The following SNX29 variants were observed in gnomAD, a reference collection of about 807,000 sequenced individuals.
SNX29 encodes sorting nexin-29.
SNX29 carries 78 observed loss-of-function variants against 102.1 expected under a neutral mutation model. The ratio of observed to expected loss-of-function variants is 0.76; its 90% CI spans 0.64 to 0.92. SNX29 has a LOEUF of 0.92. Among genes scored for constraint, SNX29 ranks in the 40% least tolerant of loss-of-function variants. SNX29 has a pLI of 0.00. For synonymous variants in SNX29, 580 were observed against 414.5 expected (o/e 1.40, Z -4.85); for missense variants, 1,280 against 1,061.7 (o/e 1.21, Z -2.86).
At chr16:12,483,126 T>TTTTTTG (rs1567610280) in intron 19 of SNX29, among the ~76,000 whole-genome samples, 2 of 128,218 alleles carry the variant, frequency 1.6e-5, no homozygotes, top group Non-Finnish European at 3.3e-5. Context: ...TTTTTTTTTT[T>TTTTTTG]TTTTTTTTTT....
chr16:12,233,921 G>A (rs2077846142), intron 14 of SNX29, among the ~76,000 whole-genome samples: 1 of 152,146 alleles, frequency 6.6e-6, no homozygotes, highest in African/African-American at 2.4e-5. Context: ...CTACATTGTA[G>A]CATGTATCAG....
chr16:12,375,283 G>A (rs1677647478), intron 16 of SNX29: 1 of 152,204 alleles, frequency 6.6e-6, no homozygotes. Context: ...AGCAGAAATA[G>A]CTAAATGAAA....
chr16:12,278,790 A>G (rs1448651945), intron 15 of SNX29, among the ~76,000 whole-genome samples: 1 of 152,244 alleles, frequency 6.6e-6, no homozygotes, highest in African/African-American at 2.4e-5. Flanking sequence ...GTCGCATATT[A>G]AAAGAACAGT....
chr16:12,557,583 A>G (rs2078448583), intron 20 of SNX29: 2 of 152,146 alleles, frequency 1.3e-5, no homozygotes, highest in African/African-American at 4.8e-5. Context: ...GCTGATCTTG[A>G]ACTCCTGACC....
In SNX29 at chr16:12,052,196, C is replaced by G; in HGVS notation, c.1098C>G (p.His366Gln). 1.1e-5 allele frequency: 17 copies of G among 1,613,938 alleles called. No individual in the cohort carries two copies. Among genetic ancestry groups the G allele is most frequent in the Non-Finnish European group, 1.4e-5 (17 of 1,179,866 alleles). The change falls in exon 8 of 21, where the codon CAC (histidine) becomes CAG (glutamine). Residue 366 changes from histidine to glutamine, a missense_variant. Physicochemically the swap from His to Gln is conservative, Grantham distance 24. Transcript: ENST00000566228. ...DVYGNSSGRK[H>Q]RGHSESPEKP... ...ATGGAAACTCATCAGGAAGGAAGCA[C>G]AGGGGCCACTCGGAGTCGCCCGAGA...
Position 12,437,160 on chromosome 16 carries a change from A to G in SNX29, c.2037+33631A>G, listed in dbSNP as rs569702702. Among the ~76,000 whole-genome samples the G allele has an allele frequency of 4.6e-5, 7 of 152,292 alleles. No individual in the cohort carries two copies. The South Asian group carries it at 8.3e-4, about 18-fold the overall frequency. ...TTAAAACTGTTACTGAAATCCTGTAATTTTTCAGGGTAGCCCAAATGAATG... is the reference window on the plus strand; with the variant it reads ...TTAAAACTGTTACTGAAATCCTGTAGTTTTTCAGGGTAGCCCAAATGAATG... On this transcript the variant is annotated intron_variant, in intron 18 of 20. Coordinates refer to ENST00000566228, the MANE Select transcript of SNX29 (RefSeq NM_032167.5).
chr16:12,084,386 C>T (rs966872974), intron 11 of SNX29, among the ~76,000 whole-genome samples: 3 of 152,146 alleles, frequency 2.0e-5, no homozygotes, highest in East Asian at 3.8e-4. Context: ...CCTTGTGATC[C>T]GCCCACCTCG....
chr16:12,092,686 G>A (rs1363108624), intron 11 of SNX29, among the ~76,000 whole-genome samples: 1 of 152,198 alleles, frequency 6.6e-6, no homozygotes, highest in African/African-American at 2.4e-5. Flanking sequence ...TCTTTGTGGT[G>A]CTGACCATCT....
At chr16:12,136,103 T>C (rs928285866) in intron 13 of SNX29, among the ~76,000 whole-genome samples, 7 of 152,266 alleles carry the variant, frequency 4.6e-5, no homozygotes, top group African/African-American at 1.7e-4. Context: ...TCTCCTGTTG[T>C]GACTTTTCCC....
chr16:12,513,302 C>G (rs1225085768), intron 19 of SNX29, among the ~76,000 whole-genome samples: 1 of 147,806 alleles, frequency 6.8e-6, no homozygotes, highest in Admixed American at 6.8e-5. Context: ...CTGCCTTGCC[C>G]TCCTCTCCCC....
In SNX29 at chr16:12,046,438, T is replaced by A; in HGVS notation, c.483T>A (p.Leu161=). 6.2e-7 allele frequency: 1 copy of A among 1,613,844 alleles called. No homozygotes were observed. The highest frequency in any genetic ancestry group is 8.5e-7 in the Non-Finnish European group (1 of 1,179,774). The change falls in exon 6 of 21, where the codon CTT becomes CTA. Residue 161 remains leucine, a synonymous_variant. Transcript: ENST00000566228. ...TGGATGAAGAAAGGTCCAGTATGCTTCCTACCATGGCAGCAGGTAAGCCTG... is the reference window on the plus strand; with the variant it reads ...TGGATGAAGAAAGGTCCAGTATGCTACCTACCATGGCAGCAGGTAAGCCTG... The part of the protein sequence containing the change: ...FVMDEERSSM[L]PTMAAGLNSI...
At chr16:12,490,092 CACA>C (rs1472860544) in intron 19 of SNX29, among the ~76,000 whole-genome samples, 1 of 152,176 alleles carries the variant, frequency 6.6e-6, no homozygotes, top group Non-Finnish European at 1.5e-5. Flanking sequence ...AGGCGTGAGC[CACA>C]ACGCCAGGGC....
Position 12,433,328 on chromosome 16 carries a change from G to T in SNX29, c.2037+29799G>T, listed in dbSNP as rs1388292372. ...CCCCATTTAGAAACTCGGCTCACAG[G>T]ATCATAAAACTGTAACGATTGGCCG... On this transcript the variant is annotated intron_variant, in intron 18 of 20. Transcript: ENST00000566228. Among the ~76,000 whole-genome samples the T allele has an allele frequency of 3.9e-5, 6 of 152,196 alleles. No individual in the cohort carries two copies. The East Asian group carries it at 1.2e-3, about 29-fold the overall frequency.
intron 14 of SNX29, among the ~76,000 whole-genome samples, chr16:12,243,167 T>C (rs1048253346): frequency 1.3e-5 from 2 of 152,204 alleles, no homozygotes; most frequent in Non-Finnish European, 2.9e-5. Flanking sequence ...AGGCCTGGCA[T>C]CTCTTGGGCA....
intron 17 of SNX29, 98 bp downstream of exon 17, chr16:12,398,599 G>T (rs1469981048): frequency 2.9e-6 from 4 of 1,363,966 alleles, no homozygotes; most frequent in African/African-American, 1.4e-5. Flanking sequence ...AGAAATCACT[G>T]TTGAGACCCA....
Position 12,042,973 on chromosome 16 carries a change from C to A in SNX29, c.324C>A (p.Ile108=). The A allele has an allele frequency of 1.2e-6, 2 of 1,613,890 alleles. No individual in the cohort carries two copies. The highest frequency in any genetic ancestry group is 1.7e-6 in the Non-Finnish European group (2 of 1,179,856). The change falls in exon 5 of 21, where the codon ATC becomes ATA. Residue 108 remains isoleucine (I), a synonymous_variant. Transcript: ENST00000566228. ...AGCGCTTCTACTCCCTGCGCCACAT[C>A]GCCTCAGACGTGGGCCGGGGTCGCG... ...ELQRFYSLRH[I]ASDVGRGRAW... is the part of the protein sequence containing the mutation.
intron 13 of SNX29, among the ~76,000 whole-genome samples, chr16:12,148,481 C>G (rs1012358841): frequency 6.6e-6 from 1 of 152,128 alleles, no homozygotes; most frequent in Non-Finnish European, 1.5e-5. Flanking sequence ...CTTAGTAGAT[C>G]TTGTTTTTCT....
chr16:12,125,552 T>C (rs1703488), intron 11 of SNX29, among the ~76,000 whole-genome samples: 71,567 of 148,332 alleles, frequency 0.48, 19,521 homozygotes, highest in African/African-American at 0.74. Flanking sequence ...TCACAGGTGG[T>C]TGCTATGCAG....
At chr16:12,567,263 A>G (rs1404268434) in intron 20 of SNX29, among the ~76,000 whole-genome samples, 1 of 151,984 alleles carries the variant, frequency 6.6e-6, no homozygotes, top group East Asian at 1.9e-4. Context: ...CTTCCCTTGT[A>G]GGGTCCAGTG....
Sources: gnomAD v4.1 joint callset for allele counts (sites outside exome capture counted in the v4.1 genomes callset) on GRCh38, gnomAD v4.1.1 for gene constraint, MANE v1.5 for transcripts, NCBI Gene and HGNC (gene_info 2026-07-23, HGNC 2026-07-21) for gene names.